CDH12: variants seen among roughly 807,000 people sequenced by gnomAD.
CDH12 encodes the protein cadherin-12.
In CDH12, 41 loss-of-function variants were observed where a neutral mutation model predicts 74.1. The observed-to-expected ratio is 0.55, with a 90% CI of 0.43 to 0.72. CDH12 has a LOEUF of 0.72. Among genes scored for constraint, CDH12 ranks in the 30% least tolerant of loss-of-function variants. The probability of loss-of-function intolerance (pLI) is 0.00; values close to 1 mark genes in which losing one functional copy is unlikely to be tolerated. For synonymous variants in CDH12, 399 were observed against 355.0 expected (o/e 1.12, Z -1.39); for missense variants, 945 against 977.2 (o/e 0.97, Z 0.44).
intron 3 of CDH12, among the ~76,000 whole-genome samples, chr5:22,351,755 T>C (rs961063213): frequency 1.3e-5 from 2 of 152,222 alleles, no homozygotes; most frequent in Non-Finnish European, 2.9e-5. Flanking sequence ...GAATTTCACT[T>C]TGGTCATTTA....
In CDH12 at chr5:22,813,722, T is replaced by C. The variant is rs148896835; in HGVS notation, c.-523+39336A>G. Among the ~76,000 whole-genome samples, 69 of 152,214 alleles carry C rather than the reference T, an allele frequency of 4.5e-4. 1 individual carries two copies. The East Asian group carries it at 0.013, about 28-fold the overall frequency. On this transcript the variant is annotated intron_variant, in intron 1 of 14. Coordinates refer to ENST00000382254, the MANE Select transcript of CDH12 (RefSeq NM_004061.5). ...AACCTGAGGGCAGACTCTAGGCAAC[T>C]GCTCAACTGCAAAAAAACTAAGGCC...
At chr5:22,407,161 T>A (rs1014656176) in intron 2 of CDH12, among the ~76,000 whole-genome samples, 3 of 152,106 alleles carry the variant, frequency 2.0e-5, no homozygotes, top group Admixed American at 2.0e-4. Context: ...CATATTTCCC[T>A]TGAAGGTGCC....
intron 1 of CDH12, among the ~76,000 whole-genome samples, chr5:22,551,180 C>A (rs951986724): frequency 6.6e-6 from 1 of 152,042 alleles, no homozygotes; most frequent in Non-Finnish European, 1.5e-5. Context: ...GGGAGAGACA[C>A]CAGAGATATC....
chr5:21,872,946 C>T (rs1156408345), intron 6 of CDH12, among the ~76,000 whole-genome samples: 1 of 88,616 alleles, frequency 1.1e-5, no homozygotes, highest in Admixed American at 1.2e-4. Flanking sequence ...TTATCTGCAT[C>T]TATCTCTCTA....
At chr5:22,394,127 TAAGAGAAGTCCA>T in intron 3 of CDH12, among the ~76,000 whole-genome samples, 1 of 152,140 alleles carries the variant, frequency 6.6e-6, no homozygotes, top group Non-Finnish European at 1.5e-5. Flanking sequence ...CGTGTGCTGT[TAAGAGAAGTCCA>T]AAGATATTAC....
At chr5:22,443,995 A>T (rs1744724493) in intron 2 of CDH12, among the ~76,000 whole-genome samples, 1 of 152,118 alleles carries the variant, frequency 6.6e-6, no homozygotes, top group African/African-American at 2.4e-5. Context: ...CTTCAAGAAA[A>T]TGTAGAAGAG....
chr5:21,957,395 T>C (rs1488064552), intron 6 of CDH12, among the ~76,000 whole-genome samples: 9 of 152,188 alleles, frequency 5.9e-5, no homozygotes, highest in Non-Finnish European at 1.2e-4. Flanking sequence ...TGTGTCTTTA[T>C]GGTAGAATGA....
intron 1 of CDH12, among the ~76,000 whole-genome samples, chr5:22,563,829 G>C (rs1427718584): frequency 6.6e-6 from 1 of 152,128 alleles, no homozygotes; most frequent in African/African-American, 2.4e-5. Context: ...AGCAGGCAAA[G>C]AGAGGGCTTG....
At chr5:22,523,784 C>T (rs1737150647) in intron 1 of CDH12, among the ~76,000 whole-genome samples, 1 of 151,976 alleles carries the variant, frequency 6.6e-6, no homozygotes, top group Non-Finnish European at 1.5e-5. Context: ...TTTCTTTCCA[C>T]CCTGACCTCT....
intron 10 of CDH12, among the ~76,000 whole-genome samples, chr5:21,797,284 A>G (rs1746840878): frequency 6.6e-6 from 1 of 152,150 alleles, no homozygotes; most frequent in Non-Finnish European, 1.5e-5. Context: ...AACTCTGTGA[A>G]AAGACAGTTA....
chr5:22,850,894 C>A (rs1389098360), intron 1 of CDH12, among the ~76,000 whole-genome samples: 1 of 152,072 alleles, frequency 6.6e-6, no homozygotes, highest in East Asian at 1.9e-4. Flanking sequence ...CATCACAATG[C>A]ATTTTAAGAG....
intron 6 of CDH12, among the ~76,000 whole-genome samples, chr5:21,880,572 T>TTCCTTCC (rs1579895240): frequency 0.016 from 212 of 12,918 alleles, 30 homozygotes; most frequent in Admixed American, 0.052. Flanking sequence ...CCCTTCTTTC[T>TTCCTTCC]TTCCTTCCTT....
chr5:22,218,344 CA>C (rs1448392107), intron 3 of CDH12, among the ~76,000 whole-genome samples: 3 of 151,536 alleles, frequency 2.0e-5, no homozygotes, highest in African/African-American at 7.3e-5. Flanking sequence ...AAAAGTCCGT[CA>C]ACAGGTGAGT....
intron 5 of CDH12, among the ~76,000 whole-genome samples, chr5:21,984,202 A>G (rs2150129763): frequency 6.6e-6 from 1 of 152,234 alleles, no homozygotes; most frequent in South Asian, 2.1e-4. Context: ...AGAATCAATC[A>G]TTTCTTCTAC....
chr5:22,387,933 C>A (rs1561365392), intron 3 of CDH12, among the ~76,000 whole-genome samples: 2 of 152,020 alleles, frequency 1.3e-5, no homozygotes. Context: ...TAGAGATTGT[C>A]ACTAAGACTA....
chr5:22,172,103 G>A (rs1197226632), intron 4 of CDH12, among the ~76,000 whole-genome samples: 1 of 151,878 alleles, frequency 6.6e-6, no homozygotes, highest in Non-Finnish European at 1.5e-5. Flanking sequence ...GCTATGTGAA[G>A]TTATAGCATC....
intron 2 of CDH12, among the ~76,000 whole-genome samples, chr5:22,420,225 G>A (rs191504310): frequency 3.7e-4 from 57 of 152,092 alleles, no homozygotes; most frequent in Admixed American, 1.3e-3. Flanking sequence ...TGCTTTTGAC[G>A]TTTTCTTCAT....
intron 1 of CDH12, among the ~76,000 whole-genome samples, chr5:22,848,497 G>C (rs913917981): frequency 2.0e-5 from 3 of 152,080 alleles, no homozygotes; most frequent in African/African-American, 7.2e-5. Context: ...CCATAAATTT[G>C]TAATATTATT....
intron 5 of CDH12, among the ~76,000 whole-genome samples, chr5:22,019,674 C>T (rs1423028566): frequency 6.6e-6 from 1 of 152,172 alleles, no homozygotes; most frequent in African/African-American, 2.4e-5. Flanking sequence ...TTCCACCCTC[C>T]ATAACTGTGA....
Sources: gnomAD v4.1 joint callset for allele counts (sites outside exome capture counted in the v4.1 genomes callset) on GRCh38, gnomAD v4.1.1 for gene constraint, MANE v1.5 for transcripts, NCBI Gene and HGNC (gene_info 2026-07-23, HGNC 2026-07-21) for gene names.